USP32: variants seen among roughly 807,000 people sequenced by gnomAD.
The protein encoded by USP32 is ubiquitin specific peptidase 32.
A neutral mutation model predicts 204.8 loss-of-function variants in USP32; 59 were observed. The observed-to-expected ratio is 0.29, with a 90% CI of 0.23 to 0.36. USP32 has a LOEUF of 0.36. USP32 is among the 10% of genes least tolerant of loss of function. The pLI, the probability that USP32 is intolerant of heterozygous loss-of-function variation, is 1.00. For missense variants in USP32, 1,160 were observed against 1,946.4 expected (o/e 0.60, Z 7.60); for synonymous variants, 517 against 678.4 (o/e 0.76, Z 3.70).
At chr17:60,355,536 T>A (rs1264997806) in intron 1 of USP32, among the ~76,000 whole-genome samples, 2 of 152,068 alleles carry the variant, frequency 1.3e-5, no homozygotes, top group African/African-American at 4.8e-5. Context: ...ACCAAATGCT[T>A]GCAATAATCC....
chr17:60,334,646 C>T (rs1418571615), intron 2 of USP32, among the ~76,000 whole-genome samples: 1 of 142,674 alleles, frequency 7.0e-6, no homozygotes. Context: ...GAGCCGAGAT[C>T]GCGCCACTGC....
At chr17:60,421,424 G>A in intron 1 of USP32, 1 of 985,688 alleles carries the variant, frequency 1.0e-6, no homozygotes, top group East Asian at 1.1e-4. Flanking sequence ...TGGGTGGCAG[G>A]GGAGGCCCGG....
At chr17:60,190,522 CAT>C in intron 29 of USP32, 39 bp downstream of exon 29, 2 of 1,506,534 alleles carry the variant, frequency 1.3e-6, no homozygotes, top group Non-Finnish European at 1.8e-6. Context: ...GGAAATTTCT[CAT>C]ATAAAAACCA....
At chr17:60,213,245 C>G (rs1364334671) in intron 18 of USP32, among the ~76,000 whole-genome samples, 1 of 152,082 alleles carries the variant, frequency 6.6e-6, no homozygotes, top group Admixed American at 6.5e-5. Flanking sequence ...GAAAGTTGTT[C>G]TTTTTACTCA....
At chr17:60,269,363 C>T (rs1047249392) in intron 7 of USP32, 87 bp downstream of exon 7, 29 of 1,000,198 alleles carry the variant, frequency 2.9e-5, no homozygotes, top group Non-Finnish European at 3.8e-5. Context: ...AAATTCAAGC[C>T]TTAATCCACA....
At chr17:60,290,573 T>G (rs1232372220) in intron 4 of USP32, among the ~76,000 whole-genome samples, 1 of 152,174 alleles carries the variant, frequency 6.6e-6, no homozygotes, top group Non-Finnish European at 1.5e-5. Context: ...CATCCTTTAA[T>G]TGTAATTTCT....
chr17:60,410,243 T>C (rs563126782), intron 1 of USP32, among the ~76,000 whole-genome samples: 2 of 152,318 alleles, frequency 1.3e-5, no homozygotes, highest in African/African-American at 4.8e-5. Context: ...CTGGCTCATC[T>C]GGTCTTGTAA....
intron 11 of USP32, among the ~76,000 whole-genome samples, chr17:60,244,393 T>G (rs977044602): frequency 1.3e-5 from 2 of 152,178 alleles, no homozygotes; most frequent in Non-Finnish European, 2.9e-5. Flanking sequence ...TGTTTATATT[T>G]AAGGTAAAAA....
chr17:60,348,765 T>TAA (rs111594383), intron 1 of USP32, among the ~76,000 whole-genome samples: 1 of 144,374 alleles, frequency 6.9e-6, no homozygotes, highest in African/African-American at 2.5e-5. Flanking sequence ...GAGACTGTCT[T>TAA]AAAAAAAAAA....
At position 60,203,530 on chromosome 17, in the gene USP32, C is replaced by G. The variant is rs1332518811; in HGVS notation, c.3249+1917G>C. 2.6e-5 allele frequency among the ~76,000 whole-genome samples: 4 copies of G among 151,480 alleles called. No individual in the cohort carries two copies. In the South Asian group the frequency reaches 8.3e-4, roughly 31 times the overall value. ...ACAATTTCGTTTTCTCTTGTTGCTG[C>G]TATACAATCAATTTACTTGATCTAG... On this transcript the variant is annotated intron_variant, in intron 26 of 33. Coordinates refer to ENST00000300896, the MANE Select transcript of USP32 (RefSeq NM_032582.4).
In USP32 at chr17:60,226,006, C is replaced by A; in HGVS notation, c.1432+33G>T. On this transcript the variant is annotated intron_variant, in intron 13 of 33. Transcript: ENST00000300896. ...GAAAGACCTATCCAGGGGGAATAAA[C>A]CAATAAACCTCAGGGGAATAGGTCA... 5.2e-6 allele frequency: 8 copies of A among 1,530,626 alleles called. No homozygotes were observed. In the Admixed American group the frequency reaches 6.8e-5, roughly 13 times the overall value. The allele number at this position is 1,530,626 out of a possible 1,614,324, so 94.8% of individuals were successfully genotyped here. A position where few individuals can be genotyped will look rare whatever the true frequency, so the allele number is the denominator to read the frequency against.
chr17:60,417,963 T>TTC (rs1173893895), intron 1 of USP32, among the ~76,000 whole-genome samples: 3 of 148,882 alleles, frequency 2.0e-5, no homozygotes, highest in African/African-American at 7.5e-5. Flanking sequence ...CTAATCTTTT[T>TTC]TTTTTTTTTT....
Position 60,366,168 on chromosome 17 carries a change from C to T in USP32, c.59-20560G>A, listed in dbSNP as rs555977327. ...AAGTTTTTTTTCTTTTTTCTTTTTT[C>T]TTTTTTTTGAGACGGAGTCTTGCTC... On this transcript the variant is annotated intron_variant, in intron 1 of 33. Transcript: ENST00000300896. Among the ~76,000 whole-genome samples the T allele has an allele frequency of 7.6e-3, 1,109 of 146,842 alleles. 10 individuals carry two copies. The highest frequency in any genetic ancestry group is 0.026 in the African/African-American group (1,029 of 39,736).
intron 4 of USP32, among the ~76,000 whole-genome samples, chr17:60,290,288 C>T (rs1057266490): frequency 2.0e-5 from 3 of 152,124 alleles, no homozygotes; most frequent in African/African-American, 7.2e-5. Context: ...TAGAAAACTC[C>T]CAACCTTCTC....
chr17:60,388,544 G>C (rs2089773069), intron 1 of USP32, among the ~76,000 whole-genome samples: 1 of 152,152 alleles, frequency 6.6e-6, no homozygotes, highest in African/African-American at 2.4e-5. Flanking sequence ...ATGCAACAAG[G>C]AGGTGAAATA....
chr17:60,202,261 G>T (rs536915540), intron 26 of USP32, among the ~76,000 whole-genome samples: 6 of 152,126 alleles, frequency 3.9e-5, no homozygotes, highest in South Asian at 2.1e-4. Context: ...TATCCCAATG[G>T]TCTACTTGTC....
In USP32 at chr17:60,177,525, A is replaced by G. The variant is rs1014696605; in HGVS notation, c.*1730T>C. ...GTATAACAAACACAGATCAAACAAC[A>G]TTAGTAGATTGAGCTACCTGCTTAA... On this transcript the variant is annotated 3_prime_UTR_variant, in exon 34 of 34. Coordinates refer to ENST00000300896, the MANE Select transcript of USP32 (RefSeq NM_032582.4). Among the ~76,000 whole-genome samples the G allele has an allele frequency of 1.3e-5, 2 of 152,236 alleles. No homozygotes were observed. The highest frequency in any genetic ancestry group is 2.9e-5 in the Non-Finnish European group (2 of 68,034).
intron 29 of USP32, among the ~76,000 whole-genome samples, chr17:60,187,129 C>G (rs16944163): frequency 0.062 from 9,424 of 152,074 alleles, 1,047 homozygotes; most frequent in African/African-American, 0.22. Flanking sequence ...TAGGCTGTTG[C>G]AATACAAATT....
intron 5 of USP32, among the ~76,000 whole-genome samples, chr17:60,280,363 G>C (rs532772987): frequency 6.6e-6 from 1 of 152,012 alleles, no homozygotes; most frequent in Non-Finnish European, 1.5e-5. Context: ...TCCCAAAGTG[G>C]TGGGATTACA....
Sources: allele counts gnomAD v4.1 joint callset (sites outside exome capture counted in the v4.1 genomes callset), GRCh38; gene constraint gnomAD v4.1.1; transcripts MANE v1.5; gene names NCBI Gene and HGNC (gene_info 2026-07-23, HGNC 2026-07-21).